CYP24A1: variants seen among roughly 807,000 people sequenced by gnomAD.
CYP24A1 encodes the protein 1,25-dihydroxyvitamin D(3) 24-hydroxylase, mitochondrial.
CYP24A1 carries 68 observed loss-of-function variants against 62.4 expected under a neutral mutation model. The observed-to-expected ratio is 1.09, with a 90% CI of 0.90 to 1.33. The LOEUF (loss-of-function observed/expected upper bound fraction) is 1.33. Among genes scored for constraint, CYP24A1 ranks in the 40% most tolerant of loss-of-function variants. The pLI, the probability that CYP24A1 is intolerant of heterozygous loss-of-function variation, is 0.00. For missense variants in CYP24A1, 787 were observed against 653.0 expected (o/e 1.21, Z -2.24); for synonymous variants, 267 against 253.0 (o/e 1.06, Z -0.52).
At chr20:54,155,574 A>C (rs2092624682) in intron 11 of CYP24A1, among the ~76,000 whole-genome samples, 2 of 151,934 alleles carry the variant, frequency 1.3e-5, no homozygotes, top group African/African-American at 4.8e-5. Context: ...TCTACTAAAA[A>C]TACAAAAAAT....
chr20:54,172,868 C>A, intron 2 of CYP24A1, 41 bp downstream of exon 2: 1 of 1,612,548 alleles, frequency 6.2e-7, no homozygotes, highest in South Asian at 1.1e-5. Flanking sequence ...TCAGGCTCAT[C>A]AGGTCTGGCC....
rs1189079660 is a variant in CYP24A1, at chr20:54,173,758, C to T, written c.-179G>A. 1.6e-6 allele frequency: 1 copy of T among 609,446 alleles called. No individual in the cohort carries two copies. Among genetic ancestry groups the T allele is most frequent in the Middle Eastern group, 4.4e-4 (1 of 2,282 alleles). 37.8% of individuals were successfully genotyped at this position (609,446 alleles called of 1,614,324 possible). A position where few individuals can be genotyped will look rare whatever the true frequency, so the allele number is the denominator to read the frequency against. Reference sequence around the variant, plus strand: ...AGCAGAAAGGACCTCGGCGAGGATGCTCGACGCTGCACCACGCGACAGCCT... The same window carrying T: ...AGCAGAAAGGACCTCGGCGAGGATGTTCGACGCTGCACCACGCGACAGCCT... On this transcript the variant is annotated 5_prime_UTR_variant, in exon 1 of 12. Coordinates refer to ENST00000216862, the MANE Select transcript of CYP24A1 (RefSeq NM_000782.5). This position sits in a 1 kb window ranked among gnomAD's most constrained non-coding sequence, Gnocchi z 7.2.
At chr20:54,162,232 T>G (rs927687986) in intron 7 of CYP24A1, among the ~76,000 whole-genome samples, 11 of 98,236 alleles carry the variant, frequency 1.1e-4, no homozygotes, top group Non-Finnish European at 2.5e-4. Flanking sequence ...TTTTTTTTTT[T>G]TTTTTTTTTT....
the CYP24A1 span, among the ~76,000 whole-genome samples, chr20:54,145,272 G>A: frequency 2.0e-5 from 3 of 148,552 alleles, no homozygotes; most frequent in African/African-American, 7.4e-5. Flanking sequence ...TTATTTTTCC[G>A]GAAGCTCTAA....
downstream of CYP24A1, among the ~76,000 whole-genome samples, chr20:54,150,891 C>T (rs1407609205): frequency 6.6e-6 from 1 of 152,192 alleles, no homozygotes; most frequent in East Asian, 1.9e-4. Flanking sequence ...ACTCCCTTTA[C>T]AGGGGCAGAA....
intron 6 of CYP24A1, 71 bp downstream of exon 6, chr20:54,164,381 C>T: frequency 6.2e-7 from 1 of 1,612,386 alleles, no homozygotes; most frequent in South Asian, 1.1e-5. Context: ...TCACTCCAGA[C>T]CTCCTCTCTG....
chr20:54,158,996 T>C lies in CYP24A1; in HGVS notation c.1118A>G (p.Asn373Ser). The C allele has an allele frequency of 6.2e-7, 1 of 1,614,186 alleles. No homozygotes were observed. The highest frequency in any genetic ancestry group is 1.1e-5 in the South Asian group (1 of 91,086). Residue 373 changes from asparagine (N) to serine (S), a missense_variant, in exon 8 of 12, where the codon AAT becomes AGT. Transcript: ENST00000216862. The part of the protein sequence containing the change: ...NQVPRAEDLR[N>S]MPYLKACLKE... ...CAGACAGGCTTTTAAATACGGCATA[T>C]TCCTCAAATCTTCTGCCCGTGGCAC...
intron 2 of CYP24A1, 126 bp from the exon 3 acceptor site, chr20:54,171,796 G>T: frequency 6.4e-7 from 1 of 1,573,492 alleles, no homozygotes. Context: ...CCAAGAAATA[G>T]CCAGAGAATA....
chr20:54,170,878 A>G (rs1185656990), intron 3 of CYP24A1, among the ~76,000 whole-genome samples: 1 of 152,208 alleles, frequency 6.6e-6, no homozygotes, highest in African/African-American at 2.4e-5. Context: ...AACAGAAGTA[A>G]AAAGAGATTA....
intron 11 of CYP24A1, 60 bp downstream of exon 11, chr20:54,157,109 A>G: frequency 1.2e-6 from 1 of 847,462 alleles, no homozygotes; most frequent in Non-Finnish European, 2.0e-6. Context: ...TTCCCAGCAT[A>G]GCTCATCCCT....
intron 2 of CYP24A1, 73 bp downstream of exon 2, chr20:54,172,836 T>C: frequency 6.2e-7 from 1 of 1,608,030 alleles, no homozygotes; most frequent in Admixed American, 1.7e-5. Flanking sequence ...TAACTCCGCC[T>C]CTTCACAATT....
chr20:54,157,109 A>T, intron 11 of CYP24A1, 60 bp downstream of exon 11: 1 of 847,462 alleles, frequency 1.2e-6, no homozygotes, highest in Non-Finnish European at 2.0e-6. Flanking sequence ...TTCCCAGCAT[A>T]GCTCATCCCT....
intron 3 of CYP24A1, 78 bp from the exon 4 acceptor site, chr20:54,169,766 C>A (rs2092687809): frequency 2.5e-6 from 4 of 1,598,740 alleles, no homozygotes; most frequent in Non-Finnish European, 3.4e-6. Context: ...ACTGAGCTAA[C>A]TTCAGGTCTT....
Position 54,157,595 on chromosome 20 carries a change from T to C in CYP24A1, c.1237-10A>G, listed in dbSNP as rs1430575207. The C allele has an allele frequency of 2.1e-6, 3 of 1,458,454 alleles. No individual in the cohort carries two copies. In the Admixed American group the frequency reaches 5.0e-5, roughly 24 times the overall value. 90.3% of individuals were successfully genotyped at this position (1,458,454 alleles called of 1,614,324 possible). A position where few individuals can be genotyped will look rare whatever the true frequency, so the allele number is the denominator to read the frequency against. ...TTAGCATGAGCACTGTCTAAACACA[T>C]GCAGAGACACATAGTATTTAAAATA... On this transcript the variant is annotated splice_polypyrimidine_tract_variant and intron_variant, in intron 9 of 11. Transcript: ENST00000216862.
chr20:54,157,783 C>A (rs891575672), intron 9 of CYP24A1, among the ~76,000 whole-genome samples, 198 bp from the exon 10 acceptor site: 1 of 152,160 alleles, frequency 6.6e-6, no homozygotes. Flanking sequence ...GTGCACCATA[C>A]TCACAACCAC....
rs777353370 is a variant in CYP24A1 at position 54,165,821 on chromosome 20, A to T, written c.653T>A (p.Val218Glu). 12 of 1,422,872 alleles carry T rather than the reference A, an allele frequency of 8.4e-6. No individual in the cohort carries two copies. In the South Asian group the frequency reaches 1.4e-4, roughly 16 times the overall value. The allele number at this position is 1,422,872 out of a possible 1,614,324, so 88.1% of individuals were successfully genotyped here. A position where few individuals can be genotyped will look rare whatever the true frequency, so the allele number is the denominator to read the frequency against. The change falls in exon 5 of 12, where the codon GTG becomes GAG. Residue 218 changes from valine to glutamate, a missense_variant. By Grantham distance (121) the Val-to-Glu change is moderately radical. Coordinates refer to ENST00000216862, the MANE Select transcript of CYP24A1 (RefSeq NM_000782.5). Reference protein sequence around the residue: ...NKWSFESICLVLYEKRFGLLQ... With the variant: ...NKWSFESICLELYEKRFGLLQ... ...AAGCCCAAATCTCTTCTCATACAACACGAGGCAGATACCTGTCATTTAAAA... is the reference window on the plus strand; with the variant it reads ...AAGCCCAAATCTCTTCTCATACAACTCGAGGCAGATACCTGTCATTTAAAA...
chr20:54,161,422 C>T (rs1272701855), intron 7 of CYP24A1, among the ~76,000 whole-genome samples: 2 of 152,254 alleles, frequency 1.3e-5, no homozygotes, highest in South Asian at 4.2e-4. Context: ...GTTTACATGG[C>T]TACTGTCTGT....
downstream of CYP24A1, chr20:54,153,445 C>G (rs4811494): frequency 6.6e-6 from 1 of 151,934 alleles, no homozygotes; most frequent in Non-Finnish European, 1.5e-5. Flanking sequence ...GGGGAAGTCT[C>G]TCAAATATTT....
At chr20:54,159,530 G>A (rs536826515) in intron 7 of CYP24A1, among the ~76,000 whole-genome samples, 6 of 152,024 alleles carry the variant, frequency 3.9e-5, no homozygotes, top group Admixed American at 3.9e-4. Flanking sequence ...GAGTAGCTGG[G>A]ACTACAGGCA....
Sources: allele counts gnomAD v4.1 joint callset (sites outside exome capture counted in the v4.1 genomes callset), GRCh38; gene constraint gnomAD v4.1.1; non-coding constraint Gnocchi (gnomAD v3.1); transcripts MANE v1.5; gene names NCBI Gene and HGNC (gene_info 2026-07-23, HGNC 2026-07-21).